Variants in OR1F1 observed in about 807,000 individuals in gnomAD.
The protein encoded by OR1F1 is olfactory receptor family 1 subfamily F member 1.
For missense variants in OR1F1, 493 were observed against 376.3 expected, an observed-to-expected ratio of 1.31 and a Z score of -2.57; for synonymous variants, 184 against 156.7, an observed-to-expected ratio of 1.17 and a Z score of -1.30.
upstream of OR1F1, among the ~76,000 whole-genome samples, chr16:3,202,484 G>A (rs574981152): frequency 6.6e-5 from 10 of 152,134 alleles, no homozygotes; most frequent in African/African-American, 2.4e-4. Context: ...TGCTAATTCA[G>A]TGTCCATTCT....
chr16:3,195,154 C>T, the OR1F1 span, among the ~76,000 whole-genome samples: 2 of 152,232 alleles, frequency 1.3e-5, no homozygotes, highest in Non-Finnish European at 2.9e-5. Context: ...TGGACCCAAT[C>T]TCAGACCCTG....
chr16:3,203,536 C>T (rs886952979), upstream of OR1F1, among the ~76,000 whole-genome samples: 12 of 152,290 alleles, frequency 7.9e-5, 1 homozygote, highest in Middle Eastern at 3.4e-3. Flanking sequence ...GAGGCCAAGG[C>T]GGGCGGATCA....
At chr16:3,195,975 C>T in the OR1F1 span, among the ~76,000 whole-genome samples, 2 of 152,208 alleles carry the variant, frequency 1.3e-5, no homozygotes, top group African/African-American at 4.8e-5. Flanking sequence ...CTTCCAGGAC[C>T]CCAGAGTCTC....
chr16:3,198,824 C>T, the OR1F1 span, among the ~76,000 whole-genome samples: 44 of 151,758 alleles, frequency 2.9e-4, no homozygotes, highest in East Asian at 8.5e-3. Flanking sequence ...CCCGGCTCTA[C>T]AAAAAATACA....
chr16:3,188,911 G>T, the OR1F1 span, among the ~76,000 whole-genome samples: 1 of 152,216 alleles, frequency 6.6e-6, no homozygotes, highest in Non-Finnish European at 1.5e-5. Context: ...AGGGCAAGGG[G>T]GCGCATCGCA....
chr16:3,205,100 T>C (rs1188223360), exon 1 of OR1F1: 1 of 1,614,124 alleles, frequency 6.2e-7, no homozygotes, highest in Non-Finnish European at 8.5e-7. Context: ...ACTCCCATGC[T>C]AAACCCTTTC....
At chr16:3,197,623 GTTCCTC>G in the OR1F1 span, among the ~76,000 whole-genome samples, 9 of 1,184 alleles carry the variant, frequency 7.6e-3, 1 homozygote, top group Middle Eastern at 0.1. Flanking sequence ...CTGGGGGCCA[GTTCCTC>G]AGACAGCGCA....
upstream of OR1F1, among the ~76,000 whole-genome samples, chr16:3,203,768 A>G (rs370288381): frequency 5.9e-5 from 9 of 152,348 alleles, no homozygotes; most frequent in African/African-American, 2.2e-4. Context: ...GTTTAAAAAA[A>G]GAAATAAAAA....
upstream of OR1F1, among the ~76,000 whole-genome samples, chr16:3,200,932 G>A (rs894458569): frequency 1.9e-4 from 29 of 152,234 alleles, no homozygotes; most frequent in Admixed American, 1.1e-3. Flanking sequence ...TTTCCAAAAC[G>A]TTTTCGTTTC....
the OR1F1 span, among the ~76,000 whole-genome samples, chr16:3,195,676 C>CAAA: frequency 5.8e-4 from 58 of 99,280 alleles, no homozygotes; most frequent in African/African-American, 1.3e-3. Flanking sequence ...GAGTGGAACT[C>CAAA]AAAAAAAAAA....
upstream of OR1F1, among the ~76,000 whole-genome samples, chr16:3,202,696 TAATAATAATAAC>T (rs2141590978): frequency 1.6e-5 from 2 of 126,882 alleles, no homozygotes; most frequent in East Asian, 4.3e-4. Flanking sequence ...ATAATAATAA[TAATAATAATAAC>T]AATTTAATAT....
At chr16:3,198,169 G>C in the OR1F1 span, among the ~76,000 whole-genome samples, 1 of 151,242 alleles carries the variant, frequency 6.6e-6, no homozygotes, top group African/African-American at 2.4e-5. Context: ...GAGAGAGAGA[G>C]ACAGAGAGAG....
chr16:3,192,452 G>T, the OR1F1 span, among the ~76,000 whole-genome samples: 1 of 152,208 alleles, frequency 6.6e-6, no homozygotes, highest in Non-Finnish European at 1.5e-5. Flanking sequence ...AAAATATAAA[G>T]TTACTGGGGG....
the OR1F1 span, chr16:3,189,662 G>C: frequency 6.6e-6 from 1 of 151,836 alleles, no homozygotes; most frequent in African/African-American, 2.4e-5. Flanking sequence ...TATGATTCTC[G>C]CTTAGGGTGC....
At chr16:3,189,179 T>C in the OR1F1 span, among the ~76,000 whole-genome samples, 1,890 of 152,314 alleles carry the variant, frequency 0.012, 17 homozygotes, top group Non-Finnish European at 0.018. Context: ...TGGTAGCTGG[T>C]GTCTCGTGCA....
chr16:3,198,509 A>G, the OR1F1 span, among the ~76,000 whole-genome samples: 1 of 152,176 alleles, frequency 6.6e-6, no homozygotes, highest in Non-Finnish European at 1.5e-5. Flanking sequence ...AGTTCTGTAC[A>G]GATATGCAAG....
chr16:3,203,082 A>T (rs1177557684), upstream of OR1F1, among the ~76,000 whole-genome samples: 1 of 152,188 alleles, frequency 6.6e-6, no homozygotes, highest in Non-Finnish European at 1.5e-5. Flanking sequence ...GCCAATGATT[A>T]CCCCTTAGAT....
At chr16:3,202,635 G>A (rs1209600892), upstream of OR1F1, among the ~76,000 whole-genome samples, 1 of 148,780 alleles carries the variant, frequency 6.7e-6, no homozygotes, top group Non-Finnish European at 1.5e-5. Flanking sequence ...CCTTGCCTGG[G>A]CAACAAGAAT....
the OR1F1 span, chr16:3,188,273 C>G: frequency 2.6e-5 from 4 of 151,822 alleles, no homozygotes; most frequent in Non-Finnish European, 5.9e-5. Context: ...CTCCCGGGGT[C>G]CCGGGACGCA....
Sources: allele counts gnomAD v4.1 joint callset (sites outside exome capture counted in the v4.1 genomes callset), GRCh38; gene constraint gnomAD v4.1.1; transcripts MANE v1.5; gene names NCBI Gene and HGNC (gene_info 2026-07-23, HGNC 2026-07-21).